PARVB: variants seen among roughly 807,000 people sequenced by gnomAD.
PARVB encodes the protein parvin beta.
In PARVB, 46 loss-of-function variants were observed where a neutral mutation model predicts 47.0. That is an observed-to-expected ratio of 0.98 (90% CI 0.77 to 1.25). The LOEUF is 1.25. PARVB is among the 50% of genes most tolerant of loss of function. The probability of loss-of-function intolerance (pLI) is 0.00; values close to 1 mark genes in which losing one functional copy is unlikely to be tolerated. For missense variants in PARVB, 473 were observed against 471.6 expected (o/e 1.00, Z -0.03); for synonymous variants, 196 against 196.3 (o/e 1.00, Z 0.01).
At chr22:44,077,328 G>A (rs548010407) in intron 1 of PARVB, among the ~76,000 whole-genome samples, 8 of 152,242 alleles carry the variant, frequency 5.3e-5, no homozygotes, top group Admixed American at 2.0e-4. Flanking sequence ...CTCCTTCTCC[G>A]TCTGTGTCTC....
chr22:44,021,776 C>T (rs1329276269), upstream of PARVB, among the ~76,000 whole-genome samples: 1 of 120,172 alleles, frequency 8.3e-6, no homozygotes, highest in Non-Finnish European at 1.8e-5. Context: ...CACACACACA[C>T]ACACACACAC....
At chr22:44,148,549 A>G (rs896530484) in intron 9 of PARVB, 1 of 160,364 alleles carries the variant, frequency 6.2e-6, no homozygotes, top group African/African-American at 2.4e-5. Flanking sequence ...AGGCTGCTGC[A>G]TCCCTCCTTC....
chr22:44,027,519 G>A (rs1479447149), intron 1 of PARVB, among the ~76,000 whole-genome samples: 5 of 152,230 alleles, frequency 3.3e-5, no homozygotes, highest in Non-Finnish European at 5.9e-5. Context: ...AGGCAGCGGG[G>A]CGAGAGCAGC....
intron 8 of PARVB, chr22:44,141,058 C>A: frequency 6.4e-6 from 1 of 157,110 alleles, no homozygotes; most frequent in Non-Finnish European, 1.4e-5. Flanking sequence ...AGATAGAAGT[C>A]TCCCACCTGC....
intron 1 of PARVB, among the ~76,000 whole-genome samples, chr22:44,050,571 CA>C (rs1482796327): frequency 6.6e-6 from 1 of 152,104 alleles, no homozygotes; most frequent in African/African-American, 2.4e-5. Context: ...CTCCTGACCC[CA>C]GGTGATCCTC....
chr22:44,007,826 A>G (rs1173454586), intron 2 of PARVB, among the ~76,000 whole-genome samples: 5 of 151,982 alleles, frequency 3.3e-5, no homozygotes, highest in Non-Finnish European at 7.4e-5. Context: ...CTCACTCCCA[A>G]TTCGGTCCTT....
chr22:44,166,095 T>A (rs2054161170), intron 12 of PARVB, among the ~76,000 whole-genome samples: 1 of 152,196 alleles, frequency 6.6e-6, no homozygotes, highest in East Asian at 1.9e-4. Context: ...GCCCTGCTTC[T>A]TTGTCCTCCC....
upstream of PARVB, among the ~76,000 whole-genome samples, chr22:44,023,537 C>CAAAACAAAATTAAAATAAAAT (rs1416034853): frequency 6.0e-4 from 76 of 127,392 alleles, 1 homozygote; most frequent in African/African-American, 2.1e-3. Flanking sequence ...TAAAACAAAA[C>CAAAACAAAATTAAAATAAAAT]AAAATAAAAT....
intron 4 of PARVB, among the ~76,000 whole-genome samples, chr22:44,124,108 C>A (rs569770565): frequency 1.7e-4 from 26 of 152,304 alleles, no homozygotes; most frequent in Non-Finnish European, 3.4e-4. Flanking sequence ...CCTGCAGTTT[C>A]ATTACCTATG....
At chr22:43,999,408 A>G (rs922399707) in exon 1 of PARVB, 7 of 1,609,184 alleles carry the variant, frequency 4.4e-6, no homozygotes, top group Non-Finnish European at 5.9e-6. Context: ...GAGAACAAAA[A>G]CTGGTGAGCT....
At chr22:44,081,823 C>G (rs966757932) in intron 1 of PARVB, among the ~76,000 whole-genome samples, 2 of 152,146 alleles carry the variant, frequency 1.3e-5, no homozygotes, top group African/African-American at 4.8e-5. Context: ...TTTTGGGTTT[C>G]ACACCCTGCC....
intron 1 of PARVB, among the ~76,000 whole-genome samples, chr22:44,091,528 T>A (rs2052167313): frequency 6.6e-6 from 1 of 152,124 alleles, no homozygotes; most frequent in South Asian, 2.1e-4. Context: ...TTCTCCTCTA[T>A]GCATTCGCCT....
chr22:44,145,936 T>C (rs563839122), intron 8 of PARVB: 10 of 152,162 alleles, frequency 6.6e-5, no homozygotes, highest in African/African-American at 1.9e-4. Flanking sequence ...TAGCAGACTG[T>C]CTTATTGAGT....
chr22:44,045,235 CAAAG>C (rs1601521267), intron 1 of PARVB, among the ~76,000 whole-genome samples: 1 of 152,194 alleles, frequency 6.6e-6, no homozygotes, highest in South Asian at 2.1e-4. Flanking sequence ...GCCTGGGTGA[CAAAG>C]AGAGAGTCTC....
intron 1 of PARVB, among the ~76,000 whole-genome samples, chr22:44,047,724 C>A (rs562093727): frequency 6.6e-6 from 1 of 152,146 alleles, no homozygotes; most frequent in Non-Finnish European, 1.5e-5. Flanking sequence ...AAGCCACAAG[C>A]TTCTAGGGGT....
chr22:44,008,871 C>T (rs1161557919), intron 2 of PARVB, among the ~76,000 whole-genome samples: 1 of 152,112 alleles, frequency 6.6e-6, no homozygotes, highest in Non-Finnish European at 1.5e-5. Context: ...TGCCTGTAGT[C>T]CCAGCTACTC....
At chr22:44,164,164 G>A (rs2147185821) in intron 12 of PARVB, among the ~76,000 whole-genome samples, 1 of 152,304 alleles carries the variant, frequency 6.6e-6, no homozygotes, top group African/African-American at 2.4e-5. Context: ...TGACTTTGAA[G>A]GACGTGGCCT....
chr22:44,058,450 G>A (rs1034543009), intron 1 of PARVB, among the ~76,000 whole-genome samples: 3 of 151,990 alleles, frequency 2.0e-5, no homozygotes, highest in African/African-American at 4.8e-5. Flanking sequence ...TGGGCCCACC[G>A]CAGTCCAGTA....
intron 2 of PARVB, among the ~76,000 whole-genome samples, chr22:44,011,367 C>T (rs1385010816): frequency 2.0e-5 from 3 of 152,086 alleles, no homozygotes; most frequent in East Asian, 2.0e-4. Context: ...AATCCCAGCA[C>T]TTTGGGAGGC....
Sources: allele counts gnomAD v4.1 joint callset (sites outside exome capture counted in the v4.1 genomes callset), GRCh38; gene constraint gnomAD v4.1.1; transcripts MANE v1.5; gene names NCBI Gene and HGNC (gene_info 2026-07-23, HGNC 2026-07-21).